Variants in MXD3 observed in about 807,000 individuals in gnomAD.
MXD3 encodes the protein Max-associated protein 3.
A neutral mutation model predicts 27.5 loss-of-function variants in MXD3; 20 were observed. The observed-to-expected ratio is 0.73, with a 90% CI of 0.51 to 1.06. The LOEUF is 1.06. MXD3 is among the 50% of genes least tolerant of loss of function. MXD3 has a pLI of 0.00. For synonymous variants in MXD3, 150 were observed against 130.7 expected (o/e 1.15, Z -1.01); for missense variants, 298 against 291.3 (o/e 1.02, Z -0.17).
chr5:177,308,092 C>A, intron 4 of MXD3, 128 bp from the exon 5 acceptor site: 1 of 891,780 alleles, frequency 1.1e-6, no homozygotes, highest in Non-Finnish European at 1.7e-6. Flanking sequence ...GCGACTAAAT[C>A]CAGGCCCCAG....
At chr5:177,306,673 T>G (rs1308927597), downstream of MXD3, 5 of 1,476,214 alleles carry the variant, frequency 3.4e-6, no homozygotes, top group East Asian at 1.2e-4. Flanking sequence ...CCCTGTCTGC[T>G]GTCTACGTGG....
At chr5:177,310,937 G>A in intron 2 of MXD3, 4 of 598,214 alleles carry the variant, frequency 6.7e-6, no homozygotes, top group Admixed American at 3.0e-5. Flanking sequence ...TAACAAGGGC[G>A]CCTGCCAGCT....
upstream of MXD3, chr5:177,312,624 A>G: frequency 1.0e-6 from 1 of 985,376 alleles, no homozygotes; most frequent in South Asian, 4.7e-5. Context: ...CCAGCTTCCT[A>G]CTGTGTCGAA....
chr5:177,312,161 G>A, upstream of MXD3: 5 of 1,039,316 alleles, frequency 4.8e-6, no homozygotes, highest in Non-Finnish European at 4.6e-6. Context: ...CACCCACGCC[G>A]GCTCATTGGC....
chr5:177,307,969 G>T lies in MXD3; in HGVS notation c.322-5C>A. 6.5e-7 allele frequency: 1 copy of T among 1,535,238 alleles called. No homozygotes were observed. On this transcript the variant is annotated splice_region_variant and splice_polypyrimidine_tract_variant and intron_variant, in intron 4 of 5. Coordinates refer to ENST00000439742, the MANE Select transcript of MXD3 (RefSeq NM_031300.4). Reference sequence around the variant, plus strand: ...CTGCTCCTGATCCTCCAGCTTCTGCGGATCCCAAAGGAGCAAGGGGCTGGG... The same window carrying T: ...CTGCTCCTGATCCTCCAGCTTCTGCTGATCCCAAAGGAGCAAGGGGCTGGG...
Position 177,311,420 on chromosome 5 carries a change from C to A in MXD3, c.135G>T (p.Lys45Asn). Residue 45 changes from lysine to asparagine, a missense_variant, in exon 2 of 6, where the codon AAG (lysine) becomes AAT (asparagine). Transcript: ENST00000439742. ...CGCCAGGAGCCTGGGGGGGTCGCTT[C>A]TTCCTCCTGTGGATGGGGCCTGGAC... ...HRSPGPIHRR[K>N]KRPPQAPGAQ... The A allele has an allele frequency of 1.4e-6, 2 of 1,413,838 alleles. No homozygotes were observed. The highest frequency in any genetic ancestry group is 1.8e-6 in the Non-Finnish European group (2 of 1,088,950). The allele number at this position is 1,413,838 out of a possible 1,614,324, so 87.6% of individuals were successfully genotyped here. A position where few individuals can be genotyped will look rare whatever the true frequency, so the allele number is the denominator to read the frequency against.
At chr5:177,307,035 C>A, downstream of MXD3, 1 of 1,448,454 alleles carries the variant, frequency 6.9e-7, no homozygotes, top group Non-Finnish European at 9.1e-7. Flanking sequence ...CGTCACTCAG[C>A]CTCATTTCTA....
chr5:177,312,204 T>C (rs1296714909), upstream of MXD3: 1 of 1,010,180 alleles, frequency 9.9e-7, no homozygotes, highest in Non-Finnish European at 1.2e-6. Context: ...CCCGTGCTAG[T>C]GACTAGCCCC....
downstream of MXD3, chr5:177,306,007 C>T (rs1240422154): frequency 6.2e-7 from 1 of 1,608,044 alleles, no homozygotes; most frequent in Non-Finnish European, 8.5e-7. Context: ...GTTGGGGCTG[C>T]TGGGGCTCTG....
Position 177,307,337 on chromosome 5 carries a change from G to A in MXD3, c.*251C>T. The A allele has an allele frequency of 5.8e-6, 9 of 1,539,868 alleles. No homozygotes were observed. The highest frequency in any genetic ancestry group is 7.9e-6 in the Non-Finnish European group (9 of 1,138,282). The stretch of plus-strand genomic sequence containing the variant: ...TTGGGGGCAGCAGAGCCAAATGCTT[G>A]GGCTCGGGCCCAAGCTGCCTGCCCT... On this transcript the variant is annotated 3_prime_UTR_variant, in exon 6 of 6. Coordinates refer to ENST00000439742, the MANE Select transcript of MXD3 (RefSeq NM_031300.4).
Position 177,311,264 on chromosome 5 carries a change from T to C in MXD3, c.176+115A>G, listed in dbSNP as rs559968483. The C allele has an allele frequency of 3.7e-5, 23 of 627,744 alleles. No homozygotes were observed. The East Asian group carries it at 7.4e-4, about 20-fold the overall frequency. The allele number at this position is 627,744 out of a possible 1,614,324, so 38.9% of individuals were successfully genotyped here. A position where few individuals can be genotyped will look rare whatever the true frequency, so the allele number is the denominator to read the frequency against. On this transcript the variant is annotated intron_variant, in intron 2 of 5. Transcript: ENST00000439742. ...GAGATGGCAGGAGGGGTCTGAACGC[T>C]TCCTGGAGCGGGACACCTGGCCCAA... is the stretch of plus-strand genomic sequence containing the variant.
Position 177,307,290 on chromosome 5 carries a change from G to T in MXD3, c.*298C>A. 1 of 1,549,978 alleles carries T rather than the reference G, an allele frequency of 6.5e-7. No individual in the cohort carries two copies. The highest frequency in any genetic ancestry group is 8.7e-7 in the Non-Finnish European group (1 of 1,145,880). ...GGGGCCTTGTCCAGGAAGGGAAGAG[G>T]CCCAAGAGGCTTCCTGTCCCCTTGG... is the stretch of plus-strand genomic sequence containing the variant. On this transcript the variant is annotated 3_prime_UTR_variant, in exon 6 of 6. Transcript: ENST00000439742.
rs1212058531 is a variant in MXD3, at chr5:177,307,687, A to G, written c.522T>C (p.Asp174=). 9.9e-6 allele frequency: 16 copies of G among 1,613,554 alleles called. No individual in the cohort carries two copies. Among genetic ancestry groups the G allele is most frequent in the Non-Finnish European group, 1.3e-5 (15 of 1,179,900 alleles). Residue 174 remains aspartate (D), a synonymous_variant, in exon 6 of 6, where the codon GAT becomes GAC. Transcript: ENST00000439742. Reference sequence around the variant, plus strand: ...CACCCCCAAACACCAGGCTCTCCACATCCACCTCCAGCTCCTCTGCGCGGG... The same window carrying G: ...CACCCCCAAACACCAGGCTCTCCACGTCCACCTCCAGCTCCTCTGCGCGGG... ...SDSDQEELEV[D]VESLVFGGEA... is the part of the protein sequence containing the mutation.
upstream of MXD3, chr5:177,312,734 G>A (rs1361780390): frequency 1.0e-6 from 1 of 985,406 alleles, no homozygotes; most frequent in Non-Finnish European, 1.2e-6. Context: ...GCCATACCCT[G>A]GAGGCACGCG....
downstream of MXD3, chr5:177,306,772 G>A: frequency 2.1e-6 from 2 of 942,826 alleles, no homozygotes; most frequent in Non-Finnish European, 3.1e-6. Flanking sequence ...CCATTGGGCA[G>A]CTGAGGACCG....
At chr5:177,306,301 G>A, downstream of MXD3, 2 of 1,567,186 alleles carry the variant, frequency 1.3e-6, no homozygotes, top group Non-Finnish European at 1.8e-6. Context: ...GGGGGTGGGA[G>A]GAGGGTGAAT....
chr5:177,312,439 G>C (rs1020256601), upstream of MXD3: 54 of 985,552 alleles, frequency 5.5e-5, no homozygotes, highest in African/African-American at 6.4e-4. Context: ...CCACACGTTC[G>C]GGCGGGAAAA....
chr5:177,310,189 C>G (rs1760999620), intron 4 of MXD3, among the ~76,000 whole-genome samples: 1 of 152,246 alleles, frequency 6.6e-6, no homozygotes, highest in African/African-American at 2.4e-5. Flanking sequence ...ACAGCTGTAA[C>G]AGCAACAGTG....
chr5:177,306,414 C>G, downstream of MXD3: 1 of 1,614,040 alleles, frequency 6.2e-7, no homozygotes, highest in East Asian at 2.2e-5. Flanking sequence ...ACCTGCCGTT[C>G]GCGACAGGCG....
Sources: allele counts gnomAD v4.1 joint callset (sites outside exome capture counted in the v4.1 genomes callset), GRCh38; gene constraint gnomAD v4.1.1; transcripts MANE v1.5; gene names NCBI Gene and HGNC (gene_info 2026-07-23, HGNC 2026-07-21).